SMIM35: variants seen among roughly 807,000 people sequenced by gnomAD.
The protein encoded by SMIM35 is TMPRSS4 antisense RNA 1 (non-protein coding).
intron 1 of SMIM35, among the ~76,000 whole-genome samples, chr11:118,022,118 C>A (rs984858342): frequency 1.4e-5 from 2 of 143,362 alleles, no homozygotes; most frequent in African/African-American, 2.6e-5. Flanking sequence ...CAGCTCACAA[C>A]AACCTCCACC....
intron 4 of SMIM35, among the ~76,000 whole-genome samples, 161 bp from the exon 5 acceptor site, chr11:118,006,537 A>G (rs1287563950): frequency 3.3e-5 from 5 of 152,174 alleles, no homozygotes; most frequent in African/African-American, 7.2e-5. Flanking sequence ...ATCAATGCCT[A>G]ACACATCGCA....
At chr11:118,007,874 CT>C (rs796585421) in intron 4 of SMIM35, among the ~76,000 whole-genome samples, 2,572 of 144,854 alleles carry the variant, frequency 0.018, 60 homozygotes, top group African/African-American at 0.059. Context: ...TTCTTGCTTT[CT>C]TTTTTTTTTT....
chr11:118,039,910 T>C lies in SMIM35; in HGVS notation c.8-24101A>G, dbSNP rs1031584139. On this transcript the variant is annotated intron_variant, in intron 1 of 4. Transcript: ENST00000689828. ...AAATACAAAAATTAGCCGGGTGTGGTGGCACAGGCCTGTAGTCCCAGCTAC... is the reference window on the plus strand; with the variant it reads ...AAATACAAAAATTAGCCGGGTGTGGCGGCACAGGCCTGTAGTCCCAGCTAC... Among the ~76,000 whole-genome samples, 10 of 152,006 alleles carry C rather than the reference T, an allele frequency of 6.6e-5. No homozygotes were observed. In the South Asian group the frequency reaches 8.3e-4, roughly 13 times the overall value.
intron 1 of SMIM35, among the ~76,000 whole-genome samples, chr11:118,041,908 G>A (rs1440643986): frequency 6.6e-6 from 1 of 151,790 alleles, no homozygotes; most frequent in African/African-American, 2.4e-5. Flanking sequence ...AAAATTAGCT[G>A]GGCATGGTGG....
intron 2 of SMIM35, 97 bp from the exon 3 acceptor site, chr11:118,014,838 A>G: frequency 2.5e-6 from 1 of 397,740 alleles, no homozygotes; most frequent in Non-Finnish European, 4.4e-6. Context: ...CCCTGTCTGG[A>G]GGAGTAGGGT....
chr11:118,025,409 C>T, intron 1 of SMIM35: 2 of 413,854 alleles, frequency 4.8e-6, no homozygotes, highest in Middle Eastern at 3.4e-4. Flanking sequence ...TTTCGACCAA[C>T]AGTGTGTAAA....
chr11:118,059,590 C>T (rs1038476161), intron 1 of SMIM35: 1 of 152,294 alleles, frequency 6.6e-6, no homozygotes, highest in Non-Finnish European at 1.5e-5. Context: ...GAGCACGCAA[C>T]ACGCAACAGG....
intron 1 of SMIM35, among the ~76,000 whole-genome samples, chr11:118,048,327 T>C (rs1944136144): frequency 6.6e-6 from 1 of 152,132 alleles, no homozygotes; most frequent in Admixed American, 6.5e-5. Context: ...CTGGCCAATA[T>C]GGCGAAACCC....
chr11:118,082,086 G>A (rs1244844858), intron 1 of SMIM35, among the ~76,000 whole-genome samples: 2 of 152,158 alleles, frequency 1.3e-5, no homozygotes, highest in East Asian at 1.9e-4. Context: ...GAACCTGTCC[G>A]GACACGTAGG....
intron 1 of SMIM35, among the ~76,000 whole-genome samples, chr11:118,017,360 C>T (rs757182683): frequency 6.6e-6 from 1 of 152,174 alleles, no homozygotes; most frequent in Admixed American, 6.5e-5. Context: ...CATATGGATG[C>T]CTTGCCACAT....
At position 118,006,085 on chromosome 11, in the gene SMIM35, C is replaced by T. The variant is rs2058120281; in HGVS notation, c.*325G>A. 1 of 152,302 alleles carries T rather than the reference C, an allele frequency of 6.6e-6. No individual in the cohort carries two copies. The highest frequency in any genetic ancestry group is 2.1e-4 in the South Asian group (1 of 4,838). The allele number at this position is 152,302 out of a possible 1,614,324, so 9.4% of individuals were successfully genotyped here. A position where few individuals can be genotyped will look rare whatever the true frequency, so the allele number is the denominator to read the frequency against. ...AAGGTTCTGAAAACTTACTGGCCAG[C>T]ACCACCTTCTCTCCCATCCTTCACA... is the stretch of plus-strand genomic sequence containing the variant. On this transcript the variant is annotated 3_prime_UTR_variant, in exon 5 of 5. Transcript: ENST00000689828.
chr11:118,023,656 C>T (rs55858401), intron 1 of SMIM35, among the ~76,000 whole-genome samples: 14,566 of 151,960 alleles, frequency 0.096, 971 homozygotes, highest in East Asian at 0.37. Flanking sequence ...CACTAGGCAT[C>T]ACAGAAGAAA....
rs193080125 is a variant in SMIM35 at position 118,079,537 on chromosome 11, C to A, written c.7+7214G>T. Among the ~76,000 whole-genome samples the A allele has an allele frequency of 2.7e-4, 41 of 152,348 alleles. No individual in the cohort carries two copies. In the East Asian group the frequency reaches 7.5e-3, roughly 28 times the overall value. ...CCATAGCTGAGGCCTGGAGGGAAGT[C>A]AGGGACCCTGGGACTGGTTATCCTG... On this transcript the variant is annotated intron_variant, in intron 1 of 4. Transcript: ENST00000689828.
At chr11:118,024,281 C>T (rs1047967321) in intron 1 of SMIM35, among the ~76,000 whole-genome samples, 9 of 152,112 alleles carry the variant, frequency 5.9e-5, no homozygotes, top group Admixed American at 1.3e-4. Context: ...TCAAGGAAGG[C>T]CTAAACTATC....
intron 1 of SMIM35, among the ~76,000 whole-genome samples, chr11:118,062,883 G>A (rs2135124903): frequency 6.6e-6 from 1 of 152,264 alleles, no homozygotes; most frequent in South Asian, 2.1e-4. Context: ...GAAGAGATAG[G>A]AGGTCAACAC....
intron 1 of SMIM35, among the ~76,000 whole-genome samples, chr11:118,048,404 T>G (rs577155065): frequency 6.6e-6 from 1 of 152,086 alleles, no homozygotes; most frequent in Non-Finnish European, 1.5e-5. Flanking sequence ...TCCCAGCTAC[T>G]CAGGAGGCTG....
chr11:118,052,667 C>T (rs925589550), intron 1 of SMIM35, among the ~76,000 whole-genome samples: 1 of 152,076 alleles, frequency 6.6e-6, no homozygotes, highest in Non-Finnish European at 1.5e-5. Flanking sequence ...CCCCTTCCTT[C>T]CAGCCACATC....
chr11:118,081,059 C>T lies in SMIM35; in HGVS notation c.7+5692G>A, dbSNP rs556380919. Among the ~76,000 whole-genome samples, 28 of 152,324 alleles carry T rather than the reference C, an allele frequency of 1.8e-4. 1 individual carries two copies. The East Asian group carries it at 4.6e-3, about 25-fold the overall frequency. On this transcript the variant is annotated intron_variant, in intron 1 of 4. Coordinates refer to ENST00000689828, the MANE Select transcript of SMIM35 (RefSeq NM_001394165.1). The stretch of plus-strand genomic sequence containing the variant: ...TCTGCTTTTAGCCGCAAACCTAGCA[C>T]AGGGCATGGCATCCATGGCATGGAC...
At chr11:118,069,890 C>T (rs1214579429) in intron 1 of SMIM35, among the ~76,000 whole-genome samples, 2 of 152,000 alleles carry the variant, frequency 1.3e-5, no homozygotes, top group Non-Finnish European at 2.9e-5. Flanking sequence ...GGCAAAACCC[C>T]GTCTCTGCTA....
Sources: allele counts gnomAD v4.1 joint callset (sites outside exome capture counted in the v4.1 genomes callset), GRCh38; gene constraint gnomAD v4.1.1; transcripts MANE v1.5; gene names NCBI Gene and HGNC (gene_info 2026-07-23, HGNC 2026-07-21).